The following ADCY2 variants were observed in gnomAD, a reference collection of about 807,000 sequenced individuals.
The protein encoded by ADCY2 is adenylate cyclase type 2.
A neutral mutation model predicts 125.2 loss-of-function variants in ADCY2; 31 were observed. The ratio of observed to expected loss-of-function variants is 0.25; its 90% CI spans 0.19 to 0.33. The LOEUF (loss-of-function observed/expected upper bound fraction) is 0.33. Among genes scored for constraint, ADCY2 ranks in the 10% least tolerant of loss-of-function variants. The probability of loss-of-function intolerance (pLI) is 1.00; values close to 1 mark genes in which losing one functional copy is unlikely to be tolerated. For missense variants in ADCY2, 904 were observed against 1,418.2 expected (o/e 0.64, Z 5.82); for synonymous variants, 512 against 548.4 (o/e 0.93, Z 0.93).
rs920317594 is a variant in ADCY2, at chr5:7,828,157, G to A, written c.*1286G>A. The A allele has an allele frequency of 2.6e-5, 4 of 152,814 alleles. No individual in the cohort carries two copies. The highest frequency in any genetic ancestry group is 7.2e-5 in the African/African-American group (3 of 41,462). 9.5% of individuals were successfully genotyped at this position (152,814 alleles called of 1,614,324 possible). A position where few individuals can be genotyped will look rare whatever the true frequency, so the allele number is the denominator to read the frequency against. ...CCAAATAGTGAAAAGTAGAGCAATCGTGTATAAGCTAATGTTTAAAAGCAA... is the reference window on the plus strand; with the variant it reads ...CCAAATAGTGAAAAGTAGAGCAATCATGTATAAGCTAATGTTTAAAAGCAA... On this transcript the variant is annotated 3_prime_UTR_variant, in exon 25 of 25. Coordinates refer to ENST00000338316, the MANE Select transcript of ADCY2 (RefSeq NM_020546.3).
At chr5:7,498,289 C>T (rs1448742843) in intron 2 of ADCY2, among the ~76,000 whole-genome samples, 1 of 140,964 alleles carries the variant, frequency 7.1e-6, no homozygotes, top group African/African-American at 2.6e-5. Flanking sequence ...CGCTCTATCG[C>T]CCAGGCTGGG....
chr5:7,599,110 C>T lies in ADCY2; in HGVS notation c.571-27057C>T, dbSNP rs183224385. On this transcript the variant is annotated intron_variant, in intron 3 of 24. Coordinates refer to ENST00000338316, the MANE Select transcript of ADCY2 (RefSeq NM_020546.3). ...GGTAGATTTGTGCAGGGACAGCCCC[C>T]GGGGACAGATGGATTTGTACAGGGA... is the stretch of plus-strand genomic sequence containing the variant. 3.1e-3 allele frequency among the ~76,000 whole-genome samples: 466 copies of T among 151,808 alleles called. 1 individual carries two copies. Among genetic ancestry groups the T allele is most frequent in the Admixed American group, 5.7e-3 (87 of 15,246 alleles).
chr5:7,686,554 G>A (rs928661397), intron 4 of ADCY2, among the ~76,000 whole-genome samples: 1 of 152,166 alleles, frequency 6.6e-6, no homozygotes, highest in Non-Finnish European at 1.5e-5. Flanking sequence ...ACTAGAAAGA[G>A]AAAGAAGTAA....
intron 2 of ADCY2, among the ~76,000 whole-genome samples, chr5:7,507,170 G>A (rs574254569): frequency 2.0e-5 from 3 of 150,788 alleles, no homozygotes; most frequent in East Asian, 2.0e-4. Flanking sequence ...GGCCGGGCGC[G>A]GTGGCTCACG....
At chr5:7,454,952 A>G (rs1167542978) in intron 2 of ADCY2, among the ~76,000 whole-genome samples, 1 of 152,036 alleles carries the variant, frequency 6.6e-6, no homozygotes, top group East Asian at 1.9e-4. Flanking sequence ...AGCATTTTTT[A>G]TGTGCTTTTT....
rs1254118263 is a variant in ADCY2, at chr5:7,396,203, G to C, written c.-94G>C. On this transcript the variant is annotated 5_prime_UTR_variant, in exon 1 of 25. Coordinates refer to ENST00000338316, the MANE Select transcript of ADCY2 (RefSeq NM_020546.3). The surrounding 1 kb of genome is among the most constrained non-coding windows in gnomAD (Gnocchi z 5.7). The stretch of plus-strand genomic sequence containing the variant: ...AGCTCCGGGTGCCGGCAGCCGGGCC[G>C]GCCGAGGCGGCGCGGGGGTGGGACG... The C allele has an allele frequency of 2.8e-6, 2 of 705,432 alleles. No individual in the cohort carries two copies. The highest frequency in any genetic ancestry group is 3.9e-5 in the African/African-American group (2 of 50,916). The allele number at this position is 705,432 out of a possible 1,614,324, so 43.7% of individuals were successfully genotyped here.
chr5:7,547,755 C>T (rs1386726783), intron 3 of ADCY2, among the ~76,000 whole-genome samples: 1 of 152,122 alleles, frequency 6.6e-6, no homozygotes, highest in African/African-American at 2.4e-5. Context: ...TACTTTCAGT[C>T]ACTTCTCTCA....
chr5:7,540,714 G>C (rs546178819), intron 3 of ADCY2, among the ~76,000 whole-genome samples: 2 of 152,236 alleles, frequency 1.3e-5, no homozygotes, highest in Non-Finnish European at 2.9e-5. Context: ...GTCCCGGCTG[G>C]GGTCTGCATT....
At chr5:7,582,046 G>T (rs1021692534) in intron 3 of ADCY2, among the ~76,000 whole-genome samples, 1 of 152,100 alleles carries the variant, frequency 6.6e-6, no homozygotes, top group Non-Finnish European at 1.5e-5. Context: ...TGCACTTTTA[G>T]TATAAAGACA....
chr5:7,792,217 C>CAAAAAAAAAAA (rs57224712), intron 20 of ADCY2, among the ~76,000 whole-genome samples: 2 of 99,446 alleles, frequency 2.0e-5, no homozygotes, highest in Non-Finnish European at 4.0e-5. Context: ...ACTAAAAATA[C>CAAAAAAAAAAA]AAAAAAAAAA....
At chr5:7,760,768 C>T (rs1743171359) in intron 16 of ADCY2, among the ~76,000 whole-genome samples, 1 of 152,264 alleles carries the variant, frequency 6.6e-6, no homozygotes, top group East Asian at 1.9e-4. Flanking sequence ...ATTAGAGCAC[C>T]TAAAATCTAC....
intron 1 of ADCY2, among the ~76,000 whole-genome samples, chr5:7,412,883 A>G (rs1016648671): frequency 6.6e-6 from 1 of 152,172 alleles, no homozygotes; most frequent in Non-Finnish European, 1.5e-5. Context: ...GCCTGCCCCT[A>G]CCAGGATGGT....
intron 14 of ADCY2, among the ~76,000 whole-genome samples, chr5:7,738,275 A>T (rs1034588246): frequency 1.3e-5 from 2 of 152,114 alleles, no homozygotes; most frequent in Non-Finnish European, 2.9e-5. Context: ...CACAATATTA[A>T]TGCCAAATAA....
At chr5:7,544,427 G>A (rs145035490) in intron 3 of ADCY2, among the ~76,000 whole-genome samples, 3 of 152,242 alleles carry the variant, frequency 2.0e-5, no homozygotes, top group African/African-American at 4.8e-5. Flanking sequence ...AGGCTGCTGC[G>A]TTCCTCAATC....
rs537541837 is a variant in ADCY2 at position 7,611,572 on chromosome 5, A to G, written c.571-14595A>G. Among the ~76,000 whole-genome samples the G allele has an allele frequency of 2.2e-4, 34 of 152,256 alleles. No individual in the cohort carries two copies. In the East Asian group the frequency reaches 6.6e-3, roughly 29 times the overall value. ...TTCTTCAAAATTCTAGTAGGCTTGG[A>G]TGGATTTCTATTTTATTTCTGGCTT... On this transcript the variant is annotated intron_variant, in intron 3 of 24. Transcript: ENST00000338316.
At chr5:7,744,982 G>A (rs574891313) in intron 15 of ADCY2, among the ~76,000 whole-genome samples, 1 of 152,320 alleles carries the variant, frequency 6.6e-6, no homozygotes, top group African/African-American at 2.4e-5. Flanking sequence ...TTTGTGGCCT[G>A]TCTGTTACCT....
chr5:7,732,626 T>A (rs1742138864), intron 14 of ADCY2, among the ~76,000 whole-genome samples: 1 of 152,258 alleles, frequency 6.6e-6, no homozygotes, highest in South Asian at 2.1e-4. Context: ...GGCTCTCACT[T>A]CTGTTGACTT....
chr5:7,662,669 C>T (rs769706670), intron 4 of ADCY2, among the ~76,000 whole-genome samples: 3 of 152,182 alleles, frequency 2.0e-5, no homozygotes, highest in Non-Finnish European at 4.4e-5. Context: ...TATTCTCTTA[C>T]CCCCAAAGCC....
intron 4 of ADCY2, among the ~76,000 whole-genome samples, chr5:7,634,951 T>A (rs1738443177): frequency 1.3e-5 from 2 of 152,050 alleles, no homozygotes; most frequent in South Asian, 4.2e-4. Flanking sequence ...GGATGTGATA[T>A]CTAGGTTGAA....
Sources: gnomAD v4.1 joint callset for allele counts (sites outside exome capture counted in the v4.1 genomes callset) on GRCh38, gnomAD v4.1.1 for gene constraint, Gnocchi (gnomAD v3.1) non-coding constraint, MANE v1.5 for transcripts, NCBI Gene and HGNC (gene_info 2026-07-23, HGNC 2026-07-21) for gene names.